INTS1: variants seen among roughly 807,000 people sequenced by gnomAD.
The protein encoded by INTS1 is integrator complex subunit 1.
In INTS1, 137 loss-of-function variants were observed where a neutral mutation model predicts 241.6. The ratio of observed to expected loss-of-function variants is 0.57; its 90% CI spans 0.49 to 0.65. The LOEUF is 0.65. Ranked by LOEUF, INTS1 falls within the 30% of genes least tolerant of loss-of-function variation. INTS1 has a pLI of 0.00. For synonymous variants in INTS1, 1,692 were observed against 1,337.8 expected (o/e 1.26, Z -5.78); for missense variants, 3,073 against 3,032.2 (o/e 1.01, Z -0.32).
In INTS1 at chr7:1,470,559, G is replaced by A; in HGVS notation, c.*18C>T. On this transcript the variant is annotated 3_prime_UTR_variant, in exon 48 of 48. Transcript: ENST00000404767. ...ACGGGACGGGCCGGGGCTTGGAGGGGGGTCGGCTGCCACAGGCTCACATCA... is the reference window on the plus strand; with the variant it reads ...ACGGGACGGGCCGGGGCTTGGAGGGAGGTCGGCTGCCACAGGCTCACATCA... 1 of 1,523,252 alleles carries A rather than the reference G, an allele frequency of 6.6e-7. No homozygotes were observed. Among genetic ancestry groups the A allele is most frequent in the Non-Finnish European group, 8.9e-7 (1 of 1,128,528 alleles). 94.4% of individuals were successfully genotyped at this position (1,523,252 alleles called of 1,614,324 possible). A position where few individuals can be genotyped will look rare whatever the true frequency, so the allele number is the denominator to read the frequency against.
rs143846424 is a variant in INTS1 at position 1,491,315 on chromosome 7, C to T, written c.2166-1633G>A. ...GAACAACCCACATGGGTGCGACTTC[C>T]GACACGAAGCCAAGAGAACCTCATC... On this transcript the variant is annotated intron_variant, in intron 16 of 47. Transcript: ENST00000404767. 6.3e-3 allele frequency among the ~76,000 whole-genome samples: 958 copies of T among 152,282 alleles called. 8 individuals carry two copies. Among genetic ancestry groups the T allele is most frequent in the African/African-American group, 0.022 (900 of 41,568 alleles).
In INTS1 at chr7:1,480,943, G is replaced by GT; in HGVS notation, c.3851-11dup. The GT allele has an allele frequency of 6.3e-7, 1 of 1,577,274 alleles. No individual in the cohort carries two copies. Among genetic ancestry groups the GT allele is most frequent in the Non-Finnish European group, 8.6e-7 (1 of 1,161,412 alleles). The stretch of plus-strand genomic sequence containing the variant: ...AGGTGGGCCATGTAATCTGCAAACC[G>GT]TAGCAGGGTCACACCTGGGCGCGGC... On this transcript the variant is annotated splice_polypyrimidine_tract_variant and intron_variant, in intron 28 of 47. Coordinates refer to ENST00000404767, the MANE Select transcript of INTS1 (RefSeq NM_001080453.3).
At chr7:1,498,238 T>C in intron 10 of INTS1, 174 bp downstream of exon 10, 2 of 969,866 alleles carry the variant, frequency 2.1e-6, no homozygotes, top group South Asian at 1.7e-5. Context: ...GCACCCACTC[T>C]AGAAACGGCT....
At position 1,481,300 on chromosome 7, in the gene INTS1, TC is replaced by T; in HGVS notation, c.3850+41del. The T allele has an allele frequency of 6.2e-7, 1 of 1,610,040 alleles. No homozygotes were observed. The highest frequency in any genetic ancestry group is 8.5e-7 in the Non-Finnish European group (1 of 1,178,378). ...AAAGCCTGGCCGGGCTGGGGCTCGG[TC>T]AGCGTGTGTGAACCCACTCCGCAGG... On this transcript the variant is annotated intron_variant, in intron 28 of 47. Coordinates refer to ENST00000404767, the MANE Select transcript of INTS1 (RefSeq NM_001080453.3). This position sits in a 1 kb window ranked among gnomAD's most constrained non-coding sequence, Gnocchi z 6.8.
chr7:1,499,139 C>T lies in INTS1; in HGVS notation c.973G>A (p.Val325Met), dbSNP rs763498356. Residue 325 changes from valine (V) to methionine (M), a missense_variant, in exon 8 of 48, where the codon GTG (valine) becomes ATG (methionine). Val to Met is a conservative substitution (Grantham distance 21). Transcript: ENST00000404767. ...AGCATGTCCAGGACATACTCCTCCA[C>T]GCTCTCCGCGAGCTCTTCGTACCTA... Reference protein sequence around the residue: ...MPRYEELAESVEEYVLDMLRD... With the variant: ...MPRYEELAESMEEYVLDMLRD... The T allele has an allele frequency of 4.8e-5, 77 of 1,610,778 alleles. No individual in the cohort carries two copies. Among genetic ancestry groups the T allele is most frequent in the South Asian group, 1.4e-4 (13 of 91,032 alleles).
chr7:1,477,053 C>T, intron 35 of INTS1, 135 bp from the exon 36 acceptor site: 1 of 1,149,726 alleles, frequency 8.7e-7, no homozygotes, highest in South Asian at 1.5e-5. Flanking sequence ...CCGGCCCCGT[C>T]ATGGTGCTGG....
chr7:1,499,971 C>T lies in INTS1; in HGVS notation c.597G>A (p.Lys199=), dbSNP rs1783078322. 4 of 1,613,704 alleles carry T rather than the reference C, an allele frequency of 2.5e-6. No homozygotes were observed. Among genetic ancestry groups the T allele is most frequent in the East Asian group, 2.2e-5 (1 of 44,874 alleles). ...CCAGCACAGACACCAGGCTGTTCCCCTTGGCCTTGAAGTTGATGGAGGCGT... is the reference window on the plus strand; with the variant it reads ...CCAGCACAGACACCAGGCTGTTCCCTTTGGCCTTGAAGTTGATGGAGGCGT... ...RRDASINFKA[K]GNSLVSVLAC... Residue 199 remains lysine (K), a synonymous_variant, in exon 5 of 48, where the codon AAG becomes AAA. Coordinates refer to ENST00000404767, the MANE Select transcript of INTS1 (RefSeq NM_001080453.3).
intron 30 of INTS1, 89 bp downstream of exon 30, chr7:1,480,228 A>G (rs1781931378): frequency 6.9e-7 from 1 of 1,442,072 alleles, no homozygotes; most frequent in Non-Finnish European, 9.2e-7. Context: ...TCACGCAAGT[A>G]AAGGCCGCTG....
chr7:1,479,633 C>CGG lies in INTS1; in HGVS notation c.4124_4125dup (p.Val1376ProfsTer48). ...AGGGCCTGCTGCAGGGCGAGGGCCA[C>CGG]GGGGCGGGGACTGGAGCTCTGCCAC... On this transcript the variant is annotated frameshift_variant, in exon 31 of 48. Transcript: ENST00000404767. LOFTEE classifies it high-confidence loss of function. 1 of 1,516,504 alleles carries CGG rather than the reference C, an allele frequency of 6.6e-7. No individual in the cohort carries two copies. The highest frequency in any genetic ancestry group is 8.9e-7 in the Non-Finnish European group (1 of 1,129,026). The allele number at this position is 1,516,504 out of a possible 1,614,324, so 93.9% of individuals were successfully genotyped here. A position where few individuals can be genotyped will look rare whatever the true frequency, so the allele number is the denominator to read the frequency against.
chr7:1,487,878 G>A lies in INTS1; in HGVS notation c.2398C>T (p.Gln800Ter), dbSNP rs937962144. 2 of 1,613,478 alleles carry A rather than the reference G, an allele frequency of 1.2e-6. No homozygotes were observed. Among genetic ancestry groups the A allele is most frequent in the Non-Finnish European group, 8.5e-7 (1 of 1,179,862 alleles). Reference sequence around the variant, plus strand: ...GCCAGGATCTCCTGCTTCTCCCGCTGGGCGGTCTGCAGCTCACGGTTCAGC... The same window carrying A: ...GCCAGGATCTCCTGCTTCTCCCGCTAGGCGGTCTGCAGCTCACGGTTCAGC... ...EMLNRELQTA[Q>*]REKQEILAFE... The change falls in exon 19 of 48, where the codon CAG becomes TAG. Residue 800 changes from glutamine (Q) to a stop codon, truncating the protein, a stop_gained. Transcript: ENST00000404767. LOFTEE classifies it high-confidence loss of function.
chr7:1,486,746 C>T lies in INTS1; in HGVS notation c.2855G>A (p.Gly952Asp), dbSNP rs373678224. ...QRQQKQRQLL[G>D]RLQDLLLGPK... Reference sequence around the variant, plus strand: ...GCCCAGTAGCAGGTCCTGCAGGCGGCCCAGCAGCTGCCGCTGCTTCTGTTG... The same window carrying T: ...GCCCAGTAGCAGGTCCTGCAGGCGGTCCAGCAGCTGCCGCTGCTTCTGTTG... The change falls in exon 22 of 48, where the codon GGC becomes GAC. Residue 952 changes from glycine to aspartate, a missense_variant. Gly to Asp is a moderately conservative substitution (Grantham distance 94). Coordinates refer to ENST00000404767, the MANE Select transcript of INTS1 (RefSeq NM_001080453.3). 2.1e-5 allele frequency: 34 copies of T among 1,611,424 alleles called. No homozygotes were observed. The highest frequency in any genetic ancestry group is 2.8e-5 in the Non-Finnish European group (33 of 1,179,600).
rs2128533983 is a variant in INTS1, at chr7:1,476,857, T to A, written c.5000A>T (p.Gln1667Leu). Residue 1667 changes from glutamine to leucine, a missense_variant, in exon 36 of 48, where the codon CAG becomes CTG. Physicochemically the swap from Gln to Leu is moderately radical, Grantham distance 113 (BLOSUM62 -2). Coordinates refer to ENST00000404767, the MANE Select transcript of INTS1 (RefSeq NM_001080453.3). ...RPYLLTLFTH[Q>L]SSWPTLHQCI... is the part of the protein sequence containing the mutation. ...CTGGTGCAGTGTGGGCCAGCTGGACTGATGCGTGAAGAGGGTCAGGAGGTA... is the reference window on the plus strand; with the variant it reads ...CTGGTGCAGTGTGGGCCAGCTGGACAGATGCGTGAAGAGGGTCAGGAGGTA... 6.2e-7 allele frequency: 1 copy of A among 1,612,946 alleles called. No individual in the cohort carries two copies.
rs1781997061 is a variant in INTS1 at position 1,481,525 on chromosome 7, C to A, written c.3704-37G>T. On this transcript the variant is annotated intron_variant, in intron 27 of 47. Coordinates refer to ENST00000404767, the MANE Select transcript of INTS1 (RefSeq NM_001080453.3). This position sits in a 1 kb window ranked among gnomAD's most constrained non-coding sequence, Gnocchi z 6.8. Reference sequence around the variant, plus strand: ...CGCGCTCCGTAACGCCACCCAAAACCCGGGCAATGCGCACTCGGGACCCCA... The same window carrying A: ...CGCGCTCCGTAACGCCACCCAAAACACGGGCAATGCGCACTCGGGACCCCA... The A allele has an allele frequency of 1.9e-6, 3 of 1,572,392 alleles. No homozygotes were observed. In the East Asian group the frequency reaches 6.8e-5, roughly 35 times the overall value.
chr7:1,476,712 T>G, intron 36 of INTS1, 55 bp from the exon 37 acceptor site: 1 of 1,612,042 alleles, frequency 6.2e-7, no homozygotes, highest in Non-Finnish European at 8.5e-7. Flanking sequence ...GCATGGGAGA[T>G]ACCAGTCAGA....
At position 1,481,528 on chromosome 7, in the gene INTS1, G is replaced by A; in HGVS notation, c.3704-40C>T. The stretch of plus-strand genomic sequence containing the variant: ...GCTCCGTAACGCCACCCAAAACCCG[G>A]GCAATGCGCACTCGGGACCCCACCC... On this transcript the variant is annotated intron_variant, in intron 27 of 47. Transcript: ENST00000404767. This position sits in a 1 kb window ranked among gnomAD's most constrained non-coding sequence, Gnocchi z 6.8. 6.4e-7 allele frequency: 1 copy of A among 1,569,888 alleles called. No individual in the cohort carries two copies. The highest frequency in any genetic ancestry group is 8.6e-7 in the Non-Finnish European group (1 of 1,159,034).
At chr7:1,473,788 AC>A in intron 41 of INTS1, 95 bp from the exon 42 acceptor site, 1 of 1,491,412 alleles carries the variant, frequency 6.7e-7, no homozygotes, top group Middle Eastern at 1.8e-4. Context: ...CAGGGCATGG[AC>A]CCCACAGCCA....
At chr7:1,471,312 G>A (rs751093584) in intron 45 of INTS1, 88 bp from the exon 46 acceptor site, 28 of 1,333,874 alleles carry the variant, frequency 2.1e-5, no homozygotes, top group East Asian at 5.1e-5. Context: ...GATGGTTGGC[G>A]GCAACGGCAG....
chr7:1,493,898 G>A lies in INTS1; in HGVS notation c.1924C>T (p.Leu642=). The change falls in exon 15 of 48, where the codon CTG becomes TTG. Residue 642 remains leucine, a synonymous_variant. Coordinates refer to ENST00000404767, the MANE Select transcript of INTS1 (RefSeq NM_001080453.3). This position sits in a 1 kb window ranked among gnomAD's most constrained non-coding sequence, Gnocchi z 5.3. ...PESDRNFFLR[L]CSEVPILEDT... is the part of the protein sequence containing the mutation. ...TCCAAAATGGGCACCTCGGAGCACA[G>A]ACGCAGGAAGAAGCTGCGGGGTGGG... 6.4e-7 allele frequency: 1 copy of A among 1,561,700 alleles called. No individual in the cohort carries two copies. Among genetic ancestry groups the A allele is most frequent in the South Asian group, 1.2e-5 (1 of 84,636 alleles).
intron 16 of INTS1, among the ~76,000 whole-genome samples, chr7:1,492,082 C>T (rs949974990): frequency 1.3e-5 from 2 of 152,166 alleles, no homozygotes; most frequent in African/African-American, 4.8e-5. Context: ...TGGGGAGGGT[C>T]TGACAGAGCC....
Sources: allele counts gnomAD v4.1 joint callset (sites outside exome capture counted in the v4.1 genomes callset), GRCh38; gene constraint gnomAD v4.1.1; non-coding constraint Gnocchi (gnomAD v3.1); transcripts MANE v1.5; gene names NCBI Gene and HGNC (gene_info 2026-07-23, HGNC 2026-07-21).